Variants in SYT1 observed in about 807,000 individuals in gnomAD.
The protein encoded by SYT1 is synaptotagmin 1, also known as synaptotagmin-1.
SYT1 carries 8 observed loss-of-function variants against 44.8 expected under a neutral mutation model. The ratio of observed to expected loss-of-function variants is 0.18; its 90% CI spans 0.10 to 0.32. The LOEUF (loss-of-function observed/expected upper bound fraction) is 0.32. Ranked by LOEUF, SYT1 falls within the 10% of genes least tolerant of loss-of-function variation. The probability of loss-of-function intolerance (pLI) is 1.00; values close to 1 mark genes in which losing one functional copy is unlikely to be tolerated. For missense variants in SYT1, 286 were observed against 509.3 expected (o/e 0.56, Z 4.22); for synonymous variants, 154 against 188.8 (o/e 0.82, Z 1.51).
intron 2 of SYT1, among the ~76,000 whole-genome samples, chr12:78,994,533 GAT>G (rs1870238976): frequency 8.2e-6 from 1 of 121,576 alleles, no homozygotes; most frequent in African/African-American, 2.8e-5. Context: ...TTGTTCTGAG[GAT>G]TTTTTTTTTT....
intron 9 of SYT1, among the ~76,000 whole-genome samples, chr12:79,418,048 C>T (rs1370962049): frequency 1.3e-5 from 2 of 152,104 alleles, no homozygotes; most frequent in African/African-American, 4.8e-5. Context: ...ACAAAGCGTC[C>T]TCTTTCTAAT....
intron 9 of SYT1, among the ~76,000 whole-genome samples, chr12:79,370,571 G>A (rs148181242): frequency 0.014 from 2,187 of 152,098 alleles, 31 homozygotes; most frequent in Non-Finnish European, 0.023. Flanking sequence ...GACCATCCTG[G>A]CTAAAACGGT....
At chr12:79,418,302 G>C (rs1344747449) in intron 9 of SYT1, among the ~76,000 whole-genome samples, 1 of 152,118 alleles carries the variant, frequency 6.6e-6, no homozygotes, top group East Asian at 1.9e-4. Flanking sequence ...ATTTCATAAG[G>C]TGTTGTTAAA....
intron 2 of SYT1, among the ~76,000 whole-genome samples, chr12:79,023,630 T>G (rs1245785333): frequency 6.6e-6 from 1 of 151,868 alleles, no homozygotes; most frequent in African/African-American, 2.4e-5. Context: ...TTATTATATA[T>G]AACTGACAAT....
At chr12:79,424,427 T>C (rs976019999) in intron 9 of SYT1, among the ~76,000 whole-genome samples, 1 of 152,168 alleles carries the variant, frequency 6.6e-6, no homozygotes. Flanking sequence ...AAGGTTTTAG[T>C]GAAATTCCAG....
At chr12:79,084,818 T>C (rs1381025819) in intron 3 of SYT1, among the ~76,000 whole-genome samples, 8 of 152,258 alleles carry the variant, frequency 5.3e-5, no homozygotes, top group Non-Finnish European at 1.0e-4. Context: ...TTGATATAGA[T>C]AAAGTAGTTA....
intron 3 of SYT1, among the ~76,000 whole-genome samples, chr12:79,047,823 C>T (rs1297889506): frequency 1.3e-5 from 2 of 151,844 alleles, no homozygotes; most frequent in Admixed American, 6.6e-5. Flanking sequence ...TTAAAATCTA[C>T]ACCATATTCT....
chr12:79,445,644 C>G (rs1011260196), intron 10 of SYT1, among the ~76,000 whole-genome samples: 1 of 151,508 alleles, frequency 6.6e-6, no homozygotes, highest in African/African-American at 2.4e-5. Context: ...TTTTTATGGC[C>G]GAATAGTATT....
rs542901686 is a variant in SYT1, at chr12:79,393,801, G to C, written c.928+40182G>C. Reference sequence around the variant, plus strand: ...TATTTTGCTGTGCAGAAACTCTTTCGTTTAATTAAATCCCATTTGTCTATT... The same window carrying C: ...TATTTTGCTGTGCAGAAACTCTTTCCTTTAATTAAATCCCATTTGTCTATT... On this transcript the variant is annotated intron_variant, in intron 9 of 10. Transcript: ENST00000261205. 3 of 152,190 alleles carry C rather than the reference G, an allele frequency of 2.0e-5. No homozygotes were observed. The East Asian group carries it at 5.8e-4, about 29-fold the overall frequency. The allele number at this position is 152,190 out of a possible 1,614,324, so 9.4% of individuals were successfully genotyped here.
chr12:78,881,960 A>G (rs1484795363), intron 1 of SYT1, among the ~76,000 whole-genome samples: 2 of 128,816 alleles, frequency 1.6e-5, no homozygotes, highest in African/African-American at 6.6e-5. Context: ...CTCCCATTAT[A>G]TTTCCCATAG....
At chr12:78,962,257 C>T (rs1366935657) in intron 1 of SYT1, among the ~76,000 whole-genome samples, 2 of 150,952 alleles carry the variant, frequency 1.3e-5, no homozygotes, top group African/African-American at 2.4e-5. Context: ...TTGTTACAAA[C>T]GTTAAATAAC....
intron 3 of SYT1, among the ~76,000 whole-genome samples, chr12:79,054,012 T>C (rs1476589117): frequency 6.6e-6 from 1 of 152,092 alleles, no homozygotes; most frequent in Non-Finnish European, 1.5e-5. Flanking sequence ...TGGGCTCTTG[T>C]TTTGTGTCAG....
chr12:79,188,284 T>C (rs1872917266), intron 3 of SYT1, among the ~76,000 whole-genome samples: 1 of 152,126 alleles, frequency 6.6e-6, no homozygotes, highest in African/African-American at 2.4e-5. Flanking sequence ...TTCCATTTTA[T>C]GCCTTATGAA....
chr12:79,181,332 A>G (rs1872530853), intron 3 of SYT1, among the ~76,000 whole-genome samples: 1 of 152,092 alleles, frequency 6.6e-6, no homozygotes, highest in Non-Finnish European at 1.5e-5. Flanking sequence ...CATTCATAAC[A>G]TAGAAATTTG....
intron 10 of SYT1, among the ~76,000 whole-genome samples, chr12:79,446,009 A>ATATATATATATATATATATATATATT (rs1870698313): frequency 1.6e-5 from 2 of 122,944 alleles, no homozygotes; most frequent in Admixed American, 8.2e-5. Flanking sequence ...ATATATATAT[A>ATATATATATATATATATATATATATT]TATATATATA....
chr12:78,939,685 C>T (rs1039754387), intron 1 of SYT1, among the ~76,000 whole-genome samples: 25 of 152,182 alleles, frequency 1.6e-4, no homozygotes, highest in African/African-American at 5.8e-4. Context: ...ACTTTCTGCA[C>T]TTACCAAGAA....
At chr12:79,102,649 A>G (rs1878506549) in intron 3 of SYT1, among the ~76,000 whole-genome samples, 1 of 152,216 alleles carries the variant, frequency 6.6e-6, no homozygotes, top group Non-Finnish European at 1.5e-5. Flanking sequence ...CACTTAGCAC[A>G]GTGCCTGGTA....
At chr12:79,348,995 GAAGGAAAGAAA>G (rs1882739041) in intron 8 of SYT1, among the ~76,000 whole-genome samples, 2 of 67,600 alleles carry the variant, frequency 3.0e-5, no homozygotes, top group South Asian at 5.2e-4. Flanking sequence ...AAGAAAGAGA[GAAGGAAAGAAA>G]GAAAGAAAGA....
intron 9 of SYT1, among the ~76,000 whole-genome samples, chr12:79,382,030 A>T (rs979022588): frequency 1.3e-5 from 2 of 152,024 alleles, no homozygotes; most frequent in African/African-American, 4.8e-5. Flanking sequence ...ACCACGGGGG[A>T]GGAAGGTCAT....
Sources: gnomAD v4.1 joint callset for allele counts (sites outside exome capture counted in the v4.1 genomes callset) on GRCh38, gnomAD v4.1.1 for gene constraint, MANE v1.5 for transcripts, NCBI Gene and HGNC (gene_info 2026-07-23, HGNC 2026-07-21) for gene names.